The following DLG3 variants were observed in gnomAD, a reference collection of about 807,000 sequenced individuals.
DLG3 encodes discs large MAGUK scaffold protein 3.
In DLG3, 1 loss-of-function variant was observed where a neutral mutation model predicts 64.1. That is an observed-to-expected ratio of 0.02 (90% CI 0.01 to 0.07). The LOEUF (loss-of-function observed/expected upper bound fraction) is 0.07. DLG3 is among the 10% of genes least tolerant of loss of function. The pLI is 1.00. For missense variants in DLG3, 429 were observed against 669.5 expected, an observed-to-expected ratio of 0.64 and a Z score of 3.96; for synonymous variants, 245 against 259.8, an observed-to-expected ratio of 0.94 and a Z score of 0.55.
chrX:70,490,155 G>A (rs1157411128), intron 10 of DLG3, among the ~76,000 whole-genome samples: 3 of 112,126 alleles, frequency 2.7e-5, no homozygotes, highest in Admixed American at 9.4e-5. Context: ...GAGCCACCGC[G>A]CCCGGCCTCC....
intron 10 of DLG3, among the ~76,000 whole-genome samples, chrX:70,486,240 G>A (rs2087251704): frequency 8.9e-6 from 1 of 111,924 alleles, no homozygotes; most frequent in Admixed American, 9.5e-5. Flanking sequence ...GGAATACCCA[G>A]GCTCTGGCTC....
chrX:70,468,842 T>C (rs1171935061), intron 9 of DLG3, among the ~76,000 whole-genome samples: 1 of 111,831 alleles, frequency 8.9e-6, no homozygotes, highest in Non-Finnish European at 1.9e-5. Context: ...ATTTAAAAAT[T>C]AAATCAGACT....
At chrX:70,465,771 G>A (rs1452495673) in intron 9 of DLG3, among the ~76,000 whole-genome samples, 1 of 111,498 alleles carries the variant, frequency 9.0e-6, no homozygotes, top group East Asian at 2.8e-4. Context: ...ATTAACTTAT[G>A]TCATGAACAT....
chrX:70,460,376 T>TGCTGGGAA (rs758477622), intron 9 of DLG3, among the ~76,000 whole-genome samples: 1 of 110,443 alleles, frequency 9.1e-6, no homozygotes, highest in Admixed American at 9.6e-5. Flanking sequence ...GTAGATGGCC[T>TGCTGGGAA]GCTGGGAAGC....
chrX:70,449,934 G>C (rs1253663218), intron 4 of DLG3, 75 bp downstream of exon 4: 1 of 1,111,895 alleles, frequency 9.0e-7, no homozygotes, highest in Non-Finnish European at 1.2e-6. Flanking sequence ...TAGGGAATTG[G>C]AAGGGAATGG....
chrX:70,458,292 C>T (rs12012541), intron 9 of DLG3, among the ~76,000 whole-genome samples: 17,257 of 111,135 alleles, frequency 0.16, 1,169 homozygotes, highest in Non-Finnish European at 0.2. Flanking sequence ...GATCACCGCT[C>T]CCGGCCTAGA....
rs1038647104 is a variant in DLG3, at chrX:70,454,326, G to A, written c.1405+10G>A. On this transcript the variant is annotated intron_variant, in intron 9 of 18. Coordinates refer to ENST00000374360, the MANE Select transcript of DLG3 (RefSeq NM_021120.4). ...CAGTACAGACCTGAAGGTAGGAGAA[G>A]GGAAGGTGGGAAGAGATGATGTGGG... is the stretch of plus-strand genomic sequence containing the variant. 2.5e-6 allele frequency: 3 copies of A among 1,179,502 alleles called. No homozygotes were observed. The highest frequency in any genetic ancestry group is 3.5e-6 in the Non-Finnish European group (3 of 867,971).
At chrX:70,477,172 A>G (rs1266545707) in intron 9 of DLG3, among the ~76,000 whole-genome samples, 1 of 112,668 alleles carries the variant, frequency 8.9e-6, no homozygotes, top group African/African-American at 3.2e-5. Context: ...GCTAAGTTGG[A>G]GTTCAGCGGG....
intron 10 of DLG3, among the ~76,000 whole-genome samples, chrX:70,484,785 G>A (rs1434045590): frequency 9.0e-6 from 1 of 111,505 alleles, no homozygotes; most frequent in East Asian, 2.8e-4. Flanking sequence ...TTGCCATAAG[G>A]CCTGACACTT....
rs1176368473 is a variant in DLG3 at position 70,503,166 on chromosome X, A to T, written c.*897A>T. 7 of 111,996 alleles carry T rather than the reference A, an allele frequency of 6.3e-5. No homozygotes were observed. The highest frequency in any genetic ancestry group is 1.3e-4 in the Non-Finnish European group (7 of 53,131). The allele number at this position is 111,996 out of a possible 1,213,427, so 9.2% of individuals were successfully genotyped here. On this transcript the variant is annotated 3_prime_UTR_variant, in exon 19 of 19. Coordinates refer to ENST00000374360, the MANE Select transcript of DLG3 (RefSeq NM_021120.4). ...GTGCGGACAGAGAGAATGGCTAATGATGCTCCGCGTGGAATTGCCTATTGT... is the reference window on the plus strand; with the variant it reads ...GTGCGGACAGAGAGAATGGCTAATGTTGCTCCGCGTGGAATTGCCTATTGT...
intron 9 of DLG3, among the ~76,000 whole-genome samples, chrX:70,472,455 T>A (rs1220041707): frequency 1.8e-5 from 2 of 111,517 alleles, no homozygotes; most frequent in African/African-American, 6.5e-5. Flanking sequence ...CTCCGGATGC[T>A]GAGGCACAAG....
At chrX:70,451,652 C>T (rs1300291944) in intron 6 of DLG3, among the ~76,000 whole-genome samples, 2 of 111,890 alleles carry the variant, frequency 1.8e-5, no homozygotes, top group Non-Finnish European at 3.8e-5. Context: ...TCAGCTCTTT[C>T]TAAGACTCAC....
chrX:70,451,872 A>C lies in DLG3; in HGVS notation c.991A>C (p.Thr331Pro). ...TCTCCCTTTCTTGATTCCAGCTTTT[A>C]CTGCCTTGGCTGACAACCACATAAG... is the stretch of plus-strand genomic sequence containing the variant. Reference protein sequence around the residue: ...YAPPDYASTFTALADNHISHN... With the variant: ...YAPPDYASTFPALADNHISHN... Residue 331 changes from threonine to proline, a missense_variant, in exon 7 of 19, where the codon ACT (threonine) becomes CCT (proline). Thr to Pro is a conservative substitution (Grantham distance 38). This residue lies in a region of DLG3 where 54 missense variants were observed against 54.4 expected (regional missense o/e 0.99). Coordinates refer to ENST00000374360, the MANE Select transcript of DLG3 (RefSeq NM_021120.4). 1 of 1,210,030 alleles carries C rather than the reference A, an allele frequency of 8.3e-7. No individual in the cohort carries two copies. The highest frequency in any genetic ancestry group is 1.1e-6 in the Non-Finnish European group (1 of 895,109).
intron 9 of DLG3, among the ~76,000 whole-genome samples, chrX:70,459,469 T>C (rs575758353): frequency 2.7e-5 from 3 of 112,375 alleles, no homozygotes; most frequent in South Asian, 3.7e-4. Flanking sequence ...CCTATCAGCA[T>C]TGAAAGCACA....
intron 12 of DLG3, chrX:70,493,259 G>T: frequency 1.7e-6 from 1 of 579,177 alleles, no homozygotes. Flanking sequence ...GTGAGAGATG[G>T]TCTTTTATTT....
Position 70,454,104 on chromosome X carries a change from G to A in DLG3, c.1303-110G>A, listed in dbSNP as rs2147778335. 4.7e-6 allele frequency: 3 copies of A among 633,817 alleles called. No individual in the cohort carries two copies. The South Asian group carries it at 8.2e-5, about 17-fold the overall frequency. The allele number at this position is 633,817 out of a possible 1,213,427, so 52.2% of individuals were successfully genotyped here. On this transcript the variant is annotated intron_variant, in intron 8 of 18. Transcript: ENST00000374360. ...GGGCAAGGTTGGAATATTGGGAAAGGCATCTAAACAGGCTTAGGGGTGGGG... is the reference window on the plus strand; with the variant it reads ...GGGCAAGGTTGGAATATTGGGAAAGACATCTAAACAGGCTTAGGGGTGGGG...
At chrX:70,496,860 G>A (rs1256493294) in intron 13 of DLG3, among the ~76,000 whole-genome samples, 1 of 112,803 alleles carries the variant, frequency 8.9e-6, no homozygotes, top group African/African-American at 3.2e-5. Context: ...AGCCTTGGGA[G>A]ATGCATTTTG....
chrX:70,469,847 A>T (rs544004397), intron 9 of DLG3, among the ~76,000 whole-genome samples: 6 of 111,155 alleles, frequency 5.4e-5, no homozygotes, highest in African/African-American at 2.0e-4. Context: ...AAATTCTGTG[A>T]CTCTCTCTGA....
At chrX:70,501,554 C>G (rs918101672) in intron 18 of DLG3, among the ~76,000 whole-genome samples, 1 of 110,997 alleles carries the variant, frequency 9.0e-6, no homozygotes, top group Non-Finnish European at 1.9e-5. Context: ...CGAATCCATT[C>G]TAGCTGGTGG....
Sources: allele counts gnomAD v4.1 joint callset (sites outside exome capture counted in the v4.1 genomes callset), GRCh38; gene constraint gnomAD v4.1.1; regional missense constraint gnomAD v4.1.1; transcripts MANE v1.5; gene names NCBI Gene and HGNC (gene_info 2026-07-23, HGNC 2026-07-21).